The following CAPSL variants were observed in gnomAD, a reference collection of about 807,000 sequenced individuals.
CAPSL encodes calcyphosine like.
Under a neutral mutation model 21.3 loss-of-function variants are expected in CAPSL, and 17 were observed. The observed-to-expected ratio is 0.80, with a 90% CI of 0.55 to 1.20. CAPSL has a LOEUF of 1.20. Ranked by LOEUF, CAPSL falls within the 50% of genes most tolerant of loss-of-function variation. The probability of loss-of-function intolerance (pLI) is 0.00; values close to 1 mark genes in which losing one functional copy is unlikely to be tolerated. For synonymous variants in CAPSL, 102 were observed against 89.3 expected (o/e 1.14, Z -0.80); for missense variants, 289 against 259.3 (o/e 1.11, Z -0.79).
chr5:35,924,741 G>A (rs144123690), intron 1 of CAPSL, among the ~76,000 whole-genome samples: 1 of 152,290 alleles, frequency 6.6e-6, no homozygotes, highest in African/African-American at 2.4e-5. Context: ...AGAGGAGCAA[G>A]CCCTTGAATA....
At chr5:35,933,833 A>C (rs1343589937) in intron 1 of CAPSL, among the ~76,000 whole-genome samples, 2 of 152,258 alleles carry the variant, frequency 1.3e-5, no homozygotes, top group Non-Finnish European at 2.9e-5. Flanking sequence ...TCAGGTTACA[A>C]GAAAATATAC....
chr5:35,904,377 A>G lies in CAPSL; in HGVS notation c.*168T>C. 1 of 614,728 alleles carries G rather than the reference A, an allele frequency of 1.6e-6. No individual in the cohort carries two copies. Among genetic ancestry groups the G allele is most frequent in the Admixed American group, 3.0e-5 (1 of 33,648 alleles). The allele number at this position is 614,728 out of a possible 1,614,324, so 38.1% of individuals were successfully genotyped here. A position where few individuals can be genotyped will look rare whatever the true frequency, so the allele number is the denominator to read the frequency against. Reference sequence around the variant, plus strand: ...AAGGCAAACTCACAGTTGGCTACTCAATGTCTTTTATTTCTGCCTGTTTTT... The same window carrying G: ...AAGGCAAACTCACAGTTGGCTACTCGATGTCTTTTATTTCTGCCTGTTTTT... On this transcript the variant is annotated 3_prime_UTR_variant, in exon 5 of 5. Transcript: ENST00000651391.
chr5:35,920,927 A>G (rs1486809080), intron 2 of CAPSL, 57 bp downstream of exon 2: 3 of 1,582,648 alleles, frequency 1.9e-6, no homozygotes, highest in African/African-American at 1.4e-5. Context: ...CATTAGCCTC[A>G]CCTGGCAGAG....
intron 1 of CAPSL, among the ~76,000 whole-genome samples, chr5:35,927,147 C>T (rs1738705782): frequency 6.6e-6 from 1 of 152,138 alleles, no homozygotes; most frequent in South Asian, 2.1e-4. Context: ...GACAGTCTTC[C>T]TTTGCACCAC....
chr5:35,907,567 G>A (rs1366994257), intron 4 of CAPSL, among the ~76,000 whole-genome samples: 1 of 152,122 alleles, frequency 6.6e-6, no homozygotes, highest in Non-Finnish European at 1.5e-5. Flanking sequence ...CATCCAAATG[G>A]CTTCCGGCTG....
At chr5:35,905,126 CT>C (rs1171443186) in intron 4 of CAPSL, among the ~76,000 whole-genome samples, 2 of 152,118 alleles carry the variant, frequency 1.3e-5, no homozygotes, top group Admixed American at 1.3e-4. Flanking sequence ...GGGTTGCATG[CT>C]TTTCTAACAC....
intron 2 of CAPSL, among the ~76,000 whole-genome samples, chr5:35,919,023 T>C (rs16902588): frequency 0.014 from 2,103 of 152,004 alleles, 56 homozygotes; most frequent in African/African-American, 0.049. Flanking sequence ...GTAGTAATAC[T>C]GTTAAAACCG....
intron 4 of CAPSL, 122 bp downstream of exon 4, chr5:35,909,744 G>A: frequency 1.2e-6 from 1 of 845,294 alleles, no homozygotes; most frequent in Non-Finnish European, 1.8e-6. Context: ...TAGGGAAATA[G>A]TTTACTTCTA....
At chr5:35,933,119 C>T (rs1738860898) in intron 1 of CAPSL, among the ~76,000 whole-genome samples, 1 of 152,170 alleles carries the variant, frequency 6.6e-6, no homozygotes, top group South Asian at 2.1e-4. Flanking sequence ...TTCCTACTCT[C>T]TGGCCTTATA....
intron 1 of CAPSL, 38 bp from the exon 2 acceptor site, chr5:35,921,158 C>T: frequency 6.2e-7 from 1 of 1,604,938 alleles, no homozygotes; most frequent in Non-Finnish European, 8.5e-7. Context: ...AAGTCCAGGC[C>T]TCGCCGCTGC....
At chr5:35,935,266 A>T (rs1319421353) in intron 1 of CAPSL, among the ~76,000 whole-genome samples, 2 of 151,928 alleles carry the variant, frequency 1.3e-5, no homozygotes, top group African/African-American at 4.8e-5. Flanking sequence ...CTACCAACTC[A>T]ACTCCATCTG....
chr5:35,920,460 C>T (rs1340861318), intron 2 of CAPSL, among the ~76,000 whole-genome samples: 2 of 152,158 alleles, frequency 1.3e-5, no homozygotes, highest in Admixed American at 6.5e-5. Context: ...AAACTATTCA[C>T]ACTCAGAGGA....
At chr5:35,937,438 C>G (rs1437635397) in intron 1 of CAPSL, among the ~76,000 whole-genome samples, 2 of 152,218 alleles carry the variant, frequency 1.3e-5, no homozygotes, top group East Asian at 3.9e-4. Context: ...CATTCTGTAT[C>G]TCTGTGCCTT....
chr5:35,931,743 T>C (rs1415880192), intron 1 of CAPSL, among the ~76,000 whole-genome samples: 1 of 152,172 alleles, frequency 6.6e-6, no homozygotes, highest in African/African-American at 2.4e-5. Flanking sequence ...AATTGCAATA[T>C]AGAGAAATAA....
intron 1 of CAPSL, among the ~76,000 whole-genome samples, chr5:35,928,416 T>C (rs1473431459): frequency 5.3e-5 from 8 of 152,080 alleles, no homozygotes; most frequent in Non-Finnish European, 8.8e-5. Flanking sequence ...ACTCTGACAG[T>C]TTGAATACGT....
intron 2 of CAPSL, among the ~76,000 whole-genome samples, chr5:35,916,534 G>C (rs568803958): frequency 6.6e-6 from 1 of 152,110 alleles, no homozygotes; most frequent in Non-Finnish European, 1.5e-5. Context: ...CAATGGAACA[G>C]AACAGAGCCC....
At chr5:35,927,845 T>C (rs1738723783) in intron 1 of CAPSL, among the ~76,000 whole-genome samples, 1 of 152,216 alleles carries the variant, frequency 6.6e-6, no homozygotes. Flanking sequence ...TAGCTATTAC[T>C]ACACGGTAGA....
intron 1 of CAPSL, among the ~76,000 whole-genome samples, chr5:35,925,010 G>A (rs545611469): frequency 6.6e-5 from 10 of 152,222 alleles, no homozygotes; most frequent in African/African-American, 1.9e-4. Context: ...TTAAAGATCC[G>A]GTGTGGTGAC....
chr5:35,908,049 T>C (rs1002287239), intron 4 of CAPSL, among the ~76,000 whole-genome samples: 1 of 152,256 alleles, frequency 6.6e-6, no homozygotes, highest in Non-Finnish European at 1.5e-5. Flanking sequence ...CCAGTTGATA[T>C]GTGCTCAAAA....
Sources: gnomAD v4.1 joint callset for allele counts (sites outside exome capture counted in the v4.1 genomes callset) on GRCh38, gnomAD v4.1.1 for gene constraint, MANE v1.5 for transcripts, NCBI Gene and HGNC (gene_info 2026-07-23, HGNC 2026-07-21) for gene names.